The following LDLRAD4 variants were observed in gnomAD, a reference collection of about 807,000 sequenced individuals.
LDLRAD4 encodes low-density lipoprotein receptor class A domain-containing protein 4.
LDLRAD4 carries 5 observed loss-of-function variants against 17.0 expected under a neutral mutation model. The ratio of observed to expected loss-of-function variants is 0.29; its 90% CI spans 0.15 to 0.62. The LOEUF is 0.62. Ranked by LOEUF, LDLRAD4 falls within the 20% of genes least tolerant of loss-of-function variation. The pLI is 0.84. For missense variants in LDLRAD4, 340 were observed against 424.7 expected, an observed-to-expected ratio of 0.80 and a Z score of 1.75; for synonymous variants, 168 against 171.8, an observed-to-expected ratio of 0.98 and a Z score of 0.17.
chr18:13,560,689 A>C (rs1785136), intron 3 of LDLRAD4, among the ~76,000 whole-genome samples: 123,500 of 152,216 alleles, frequency 0.81, 50,370 homozygotes, highest in Middle Eastern at 0.89. Context: ...CCTCTCTGTG[A>C]AAGGATCTGC....
intron 3 of LDLRAD4, among the ~76,000 whole-genome samples, chr18:13,605,140 A>C (rs78569987): frequency 2.6e-5 from 4 of 152,204 alleles, no homozygotes; most frequent in Admixed American, 6.5e-5. Context: ...CTCTTAACAT[A>C]TGGTGTCCAG....
chr18:13,401,369 T>TG (rs2087171808), intron 2 of LDLRAD4, among the ~76,000 whole-genome samples: 1 of 87,912 alleles, frequency 1.1e-5, no homozygotes, highest in African/African-American at 3.4e-5. Context: ...ATCATCGCTT[T>TG]GAAAAAAAAA....
intron 3 of LDLRAD4, among the ~76,000 whole-genome samples, chr18:13,554,979 C>T (rs531839092): frequency 6.6e-6 from 1 of 152,350 alleles, no homozygotes; most frequent in East Asian, 1.9e-4. Context: ...AAGTGACACT[C>T]TACCCTGTGG....
intron 2 of LDLRAD4, among the ~76,000 whole-genome samples, chr18:13,422,948 G>C (rs2089622795): frequency 1.3e-5 from 2 of 152,026 alleles, no homozygotes; most frequent in South Asian, 4.2e-4. Flanking sequence ...TGTGGCACTG[G>C]AGCTGGTAGC....
At chr18:13,459,126 C>T (rs2092297159) in intron 3 of LDLRAD4, among the ~76,000 whole-genome samples, 1 of 125,506 alleles carries the variant, frequency 8.0e-6, no homozygotes, top group Non-Finnish European at 1.6e-5. Context: ...TCGAAACCAG[C>T]TTGGGCAACA....
chr18:13,610,286 TTTTTTTTTTTTTTTTTTTTG>T (rs1484789028), intron 3 of LDLRAD4, among the ~76,000 whole-genome samples: 125 of 63,090 alleles, frequency 2.0e-3, no homozygotes, highest in South Asian at 5.4e-3. Context: ...TTTTTTTTTT[TTTTTTTTTTTTTTTTTTTTG>T]AGACGGAGTC....
rs373897138 is a variant in LDLRAD4, at chr18:13,530,850, C to T, written c.182-90267C>T. Among the ~76,000 whole-genome samples, 414 of 117,642 alleles carry T rather than the reference C, an allele frequency of 3.5e-3. 2 individuals carry two copies. Among genetic ancestry groups the T allele is most frequent in the African/African-American group, 0.013 (401 of 30,582 alleles). The allele number at this position is 117,642 out of a possible 152,430, so 77.2% of individuals were successfully genotyped here. On this transcript the variant is annotated intron_variant, in intron 3 of 5. Transcript: ENST00000359446. ...ACCATAGCATTTGGTGAGCAGCCCC[C>T]GCAGATGTCCCAGGGTCATGGTGGT...
intron 1 of LDLRAD4, among the ~76,000 whole-genome samples, chr18:13,255,019 A>G (rs2043426518): frequency 6.6e-6 from 1 of 152,248 alleles, no homozygotes; most frequent in Non-Finnish European, 1.5e-5. Context: ...GGGCAGCAAG[A>G]CTAAAACAGT....
intron 3 of LDLRAD4, among the ~76,000 whole-genome samples, chr18:13,511,453 A>G (rs781432331): frequency 6.6e-5 from 10 of 152,172 alleles, no homozygotes; most frequent in Non-Finnish European, 1.3e-4. Flanking sequence ...AGGAGGTTGT[A>G]GTGAGCCGAG....
intron 1 of LDLRAD4, among the ~76,000 whole-genome samples, chr18:13,371,090 A>G (rs2084469144): frequency 6.6e-6 from 1 of 151,920 alleles, no homozygotes; most frequent in Admixed American, 6.6e-5. Context: ...CTCCTGGCGG[A>G]CTCTGTTCTG....
upstream of LDLRAD4, among the ~76,000 whole-genome samples, chr18:13,274,672 AG>A (rs200390936): frequency 6.6e-6 from 1 of 152,166 alleles, no homozygotes; most frequent in African/African-American, 2.4e-5. Context: ...TAATGAATAA[AG>A]TTTTTCTTTT....
chr18:13,464,052 G>A (rs2092534647), intron 3 of LDLRAD4, among the ~76,000 whole-genome samples: 1 of 152,128 alleles, frequency 6.6e-6, no homozygotes, highest in Non-Finnish European at 1.5e-5. Flanking sequence ...TGTTAAATAT[G>A]GCTATTTCTC....
intron 1 of LDLRAD4, among the ~76,000 whole-genome samples, chr18:13,374,900 G>C (rs770039078): frequency 6.6e-6 from 1 of 152,168 alleles, no homozygotes; most frequent in Non-Finnish European, 1.5e-5. Flanking sequence ...CCCTGGACCT[G>C]TGTGTAGGTG....
upstream of LDLRAD4, chr18:13,217,829 C>T (rs2041242832): frequency 6.6e-6 from 1 of 151,710 alleles, no homozygotes; most frequent in African/African-American, 2.4e-5. This position sits in a 1 kb window ranked among gnomAD's most constrained non-coding sequence, Gnocchi z 4.9. Flanking sequence ...CCGGGGATCC[C>T]CTGCAAGCCA....
At chr18:13,601,628 TG>T (rs2148636278) in intron 3 of LDLRAD4, among the ~76,000 whole-genome samples, 1 of 135,244 alleles carries the variant, frequency 7.4e-6, no homozygotes, top group East Asian at 2.2e-4. Context: ...CACTCCAGCC[TG>T]GGCGACAGAG....
intron 3 of LDLRAD4, among the ~76,000 whole-genome samples, chr18:13,590,788 G>A (rs2095015352): frequency 6.6e-6 from 1 of 152,196 alleles, no homozygotes; most frequent in East Asian, 1.9e-4. Context: ...TGGAGATTGA[G>A]TCTGGTTTGG....
chr18:13,517,966 C>T (rs774323949), intron 3 of LDLRAD4, among the ~76,000 whole-genome samples: 30 of 152,268 alleles, frequency 2.0e-4, no homozygotes, highest in Admixed American at 4.6e-4. Context: ...GATCTCCTGA[C>T]CTTGTGATCT....
At chr18:13,642,519 A>G in intron 4 of LDLRAD4, 1 of 1,227,012 alleles carries the variant, frequency 8.1e-7, no homozygotes, top group Non-Finnish European at 1.0e-6. Context: ...CCAGATGTGA[A>G]GTTGCATCTG....
In LDLRAD4 at chr18:13,588,914, C is replaced by CT. The variant is rs201350029; in HGVS notation, c.182-32193dup. 1.1e-3 allele frequency among the ~76,000 whole-genome samples: 158 copies of CT among 147,012 alleles called. 2 individuals carry two copies. Among genetic ancestry groups the CT allele is most frequent in the South Asian group, 4.3e-4 (2 of 4,646 alleles). ...AGCACTCTGCCATCTTTTTCCTTTT[C>CT]TTTTTTTTTTCTTTTTTTCTTTTTT... On this transcript the variant is annotated intron_variant, in intron 3 of 5. Transcript: ENST00000359446.
Sources: allele counts gnomAD v4.1 joint callset (sites outside exome capture counted in the v4.1 genomes callset), GRCh38; gene constraint gnomAD v4.1.1; non-coding constraint Gnocchi (gnomAD v3.1); transcripts MANE v1.5; gene names NCBI Gene and HGNC (gene_info 2026-07-23, HGNC 2026-07-21).